The following ENOX2 variants were observed in gnomAD, a reference collection of about 807,000 sequenced individuals.
ENOX2 encodes the protein ecto-NOX disulfide-thiol exchanger 2.
A neutral mutation model predicts 45.0 loss-of-function variants in ENOX2; 36 were observed. The ratio of observed to expected loss-of-function variants is 0.80; its 90% CI spans 0.61 to 1.06. The LOEUF (loss-of-function observed/expected upper bound fraction) is 1.06. Ranked by LOEUF, ENOX2 falls within the 50% of genes least tolerant of loss-of-function variation. The pLI is 0.00. For missense variants in ENOX2, 423 were observed against 462.5 expected, an observed-to-expected ratio of 0.91 and a Z score of 0.78; for synonymous variants, 174 against 152.3, an observed-to-expected ratio of 1.14 and a Z score of -1.05.
chrX:130,759,752 TTTTTA>T (rs1222524232), intron 3 of ENOX2, among the ~76,000 whole-genome samples: 2 of 109,221 alleles, frequency 1.8e-5, no homozygotes, highest in Non-Finnish European at 3.8e-5. Context: ...TCCCACTTTA[TTTTTA>T]TTTTTTTTTT....
chrX:130,818,501 C>A (rs1178624074), intron 2 of ENOX2, among the ~76,000 whole-genome samples: 2 of 111,720 alleles, frequency 1.8e-5, no homozygotes, highest in East Asian at 5.6e-4. Flanking sequence ...TCAAACTATA[C>A]TACAAGGCTA....
At chrX:130,753,715 T>C (rs1383613807) in intron 3 of ENOX2, among the ~76,000 whole-genome samples, 1 of 112,312 alleles carries the variant, frequency 8.9e-6, no homozygotes, top group Non-Finnish European at 1.9e-5. Context: ...CTGAATAGTA[T>C]TCCATTGTGT....
At position 130,815,297 on chromosome X, in the gene ENOX2, A is replaced by G. The variant is rs747225122; in HGVS notation, c.-182-31607T>C. Among the ~76,000 whole-genome samples, 3 of 112,490 alleles carry G rather than the reference A, an allele frequency of 2.7e-5. No homozygotes were observed. The East Asian group carries it at 8.4e-4, about 31-fold the overall frequency. On this transcript the variant is annotated intron_variant, in intron 2 of 14. Transcript: ENST00000394363. Reference sequence around the variant, plus strand: ...ATTGGTGTACCTGAAAGTGACAGGAACAATGGAACCAAGTTGCAAAACACT... The same window carrying G: ...ATTGGTGTACCTGAAAGTGACAGGAGCAATGGAACCAAGTTGCAAAACACT...
chrX:130,760,249 A>G (rs759250878), intron 3 of ENOX2, among the ~76,000 whole-genome samples: 1 of 111,326 alleles, frequency 9.0e-6, no homozygotes, highest in South Asian at 3.8e-4. Flanking sequence ...TATGCAGGTG[A>G]TGTCATCTGC....
intron 3 of ENOX2, among the ~76,000 whole-genome samples, chrX:130,755,697 C>T (rs1047069391): frequency 4.5e-5 from 5 of 110,947 alleles, no homozygotes; most frequent in Non-Finnish European, 9.5e-5. Context: ...AATGGGGTAT[C>T]CATCCCCTCA....
chrX:130,867,569 T>C (rs1178049792), intron 2 of ENOX2, among the ~76,000 whole-genome samples: 1 of 111,982 alleles, frequency 8.9e-6, no homozygotes, highest in East Asian at 2.8e-4. Flanking sequence ...ACACATTTCA[T>C]TACACAATAT....
chrX:130,840,760 G>A (rs1444175490), intron 2 of ENOX2, among the ~76,000 whole-genome samples: 1 of 110,426 alleles, frequency 9.1e-6, no homozygotes, highest in Non-Finnish European at 1.9e-5. Context: ...TCAGCTACTT[G>A]GAAAGCTGAG....
chrX:130,801,132 C>T (rs1297514623), intron 2 of ENOX2, among the ~76,000 whole-genome samples: 1 of 112,220 alleles, frequency 8.9e-6, no homozygotes, highest in African/African-American at 3.2e-5. Context: ...GACTGCACGC[C>T]ACCCTCTACA....
intron 2 of ENOX2, among the ~76,000 whole-genome samples, chrX:130,876,003 G>C: frequency 9.0e-6 from 1 of 111,724 alleles, no homozygotes; most frequent in Middle Eastern, 4.6e-3. Flanking sequence ...ATTGCTGGTA[G>C]GACCGTAAAA....
chrX:130,772,605 C>A (rs1332150178), intron 3 of ENOX2, among the ~76,000 whole-genome samples: 2 of 111,827 alleles, frequency 1.8e-5, no homozygotes, highest in Non-Finnish European at 3.8e-5. Context: ...AAGCCTCTTG[C>A]CAGATAAAAA....
At chrX:130,638,268 A>G (rs1441888765) in intron 10 of ENOX2, among the ~76,000 whole-genome samples, 2 of 109,433 alleles carry the variant, frequency 1.8e-5, no homozygotes, top group Non-Finnish European at 3.8e-5. Context: ...GGGTTTTGCC[A>G]TATTGGCCAG....
At chrX:130,693,108 C>G (rs1422571570) in intron 4 of ENOX2, among the ~76,000 whole-genome samples, 1 of 112,197 alleles carries the variant, frequency 8.9e-6, no homozygotes, top group African/African-American at 3.2e-5. Context: ...CTGTACACAT[C>G]TGAGCCAAGG....
chrX:130,801,553 C>T (rs1250474880), intron 2 of ENOX2, among the ~76,000 whole-genome samples: 2 of 111,784 alleles, frequency 1.8e-5, no homozygotes, highest in Non-Finnish European at 3.8e-5. Context: ...TATATTATGA[C>T]AAATTATTCA....
chrX:130,631,562 A>C lies in ENOX2; in HGVS notation c.1434T>G (p.Ser478=). ...TATCCTGGTTTGAGGCACACAGCCT[A>C]GAAGCACAGCTTTCCTGTGGACACA... ...ENLKEKESCA[S]RLCASNQDSE... The change falls in exon 13 of 15, where the codon TCT becomes TCG. Residue 478 remains serine, a synonymous_variant. Coordinates refer to ENST00000394363, the MANE Select transcript of ENOX2 (RefSeq NM_006375.4). 1 of 1,183,398 alleles carries C rather than the reference A, an allele frequency of 8.5e-7. No homozygotes were observed. The highest frequency in any genetic ancestry group is 1.1e-6 in the Non-Finnish European group (1 of 869,651).
chrX:130,810,894 C>A, intron 2 of ENOX2, among the ~76,000 whole-genome samples: 1 of 112,301 alleles, frequency 8.9e-6, no homozygotes, highest in Non-Finnish European at 1.9e-5. Context: ...ACCAGGCTGG[C>A]CCCTGCACAC....
intron 12 of ENOX2, among the ~76,000 whole-genome samples, chrX:130,631,805 G>GTTT (rs757104618): frequency 2.1e-5 from 2 of 94,960 alleles, no homozygotes; most frequent in Non-Finnish European, 2.1e-5. Context: ...ACCTTCACCA[G>GTTT]TTTTTTTTTT....
At chrX:130,702,651 A>G (rs373031436) in intron 4 of ENOX2, among the ~76,000 whole-genome samples, 32 of 111,328 alleles carry the variant, frequency 2.9e-4, no homozygotes, top group East Asian at 2.5e-3. Flanking sequence ...GTTTATGTAT[A>G]TATGTATGTG....
At chrX:130,874,183 C>T (rs996339367) in intron 2 of ENOX2, among the ~76,000 whole-genome samples, 2 of 112,393 alleles carry the variant, frequency 1.8e-5, no homozygotes, top group African/African-American at 6.5e-5. Context: ...ATTCTCCATA[C>T]TCTAACTAAG....
intron 3 of ENOX2, among the ~76,000 whole-genome samples, chrX:130,724,522 G>C (rs1057505309): frequency 3.5e-5 from 4 of 112,771 alleles, no homozygotes; most frequent in Non-Finnish European, 7.5e-5. Context: ...AATCTCACAA[G>C]GGAAAGGACT....
Sources: allele counts gnomAD v4.1 joint callset (sites outside exome capture counted in the v4.1 genomes callset), GRCh38; gene constraint gnomAD v4.1.1; transcripts MANE v1.5; gene names NCBI Gene and HGNC (gene_info 2026-07-23, HGNC 2026-07-21).